The following PRKAR1B variants were observed in gnomAD, a reference collection of about 807,000 sequenced individuals.
The protein encoded by PRKAR1B is protein kinase cAMP-dependent type I regulatory subunit beta.
A neutral mutation model predicts 46.5 loss-of-function variants in PRKAR1B; 22 were observed. The ratio of observed to expected loss-of-function variants is 0.47; its 90% CI spans 0.34 to 0.68. PRKAR1B has a LOEUF of 0.68. PRKAR1B is among the 30% of genes least tolerant of loss of function. The probability of loss-of-function intolerance (pLI) is 0.01; values close to 1 mark genes in which losing one functional copy is unlikely to be tolerated. For synonymous variants in PRKAR1B, 259 were observed against 217.7 expected (o/e 1.19, Z -1.67); for missense variants, 445 against 535.6 (o/e 0.83, Z 1.67).
intron 2 of PRKAR1B, among the ~76,000 whole-genome samples, chr7:689,742 C>T (rs1382767965): frequency 6.6e-6 from 1 of 151,660 alleles, no homozygotes; most frequent in Non-Finnish European, 1.5e-5. Flanking sequence ...TGCAGTGGTG[C>T]AATCTCAGCT....
rs1012736521 is a variant in PRKAR1B at position 596,408 on chromosome 7, C to T, written c.550-104G>A. ...TTAGCTCTCTCCAGAAGAGGGTCCC[C>T]GCAGGGCGGGGCACAAGCCCTTTCG... is the stretch of plus-strand genomic sequence containing the variant. On this transcript the variant is annotated intron_variant, in intron 6 of 10. Transcript: ENST00000537384. The T allele has an allele frequency of 5.3e-5, 74 of 1,393,786 alleles. No individual in the cohort carries two copies. In the East Asian group the frequency reaches 9.2e-4, roughly 17 times the overall value. 86.3% of individuals were successfully genotyped at this position (1,393,786 alleles called of 1,614,324 possible). A position where few individuals can be genotyped will look rare whatever the true frequency, so the allele number is the denominator to read the frequency against.
chr7:576,529 C>T (rs1779845593), intron 9 of PRKAR1B, among the ~76,000 whole-genome samples: 1 of 152,174 alleles, frequency 6.6e-6, no homozygotes. Context: ...TTCATTAATT[C>T]ATTCACACAA....
chr7:701,381 C>G (rs1780062747), intron 2 of PRKAR1B, among the ~76,000 whole-genome samples: 1 of 151,968 alleles, frequency 6.6e-6, no homozygotes, highest in Non-Finnish European at 1.5e-5. Flanking sequence ...GCCTCAGGGA[C>G]TTGCGGGAAA....
At chr7:691,165 A>T (rs376343286) in intron 2 of PRKAR1B, among the ~76,000 whole-genome samples, 391 of 145,424 alleles carry the variant, frequency 2.7e-3, no homozygotes, top group East Asian at 0.012. Flanking sequence ...GCGCCCACCC[A>T]AACTGTCCAC....
chr7:652,565 A>G (rs546481874), intron 4 of PRKAR1B, among the ~76,000 whole-genome samples: 14 of 152,362 alleles, frequency 9.2e-5, no homozygotes, highest in African/African-American at 2.4e-4. Flanking sequence ...AGTGCTAGGA[A>G]CCTGGGGAAA....
At chr7:702,620 G>A (rs955176114) in intron 2 of PRKAR1B, among the ~76,000 whole-genome samples, 4 of 152,026 alleles carry the variant, frequency 2.6e-5, no homozygotes, top group South Asian at 2.1e-4. Context: ...TCAGGAGATC[G>A]AGACCATCCT....
intron 9 of PRKAR1B, among the ~76,000 whole-genome samples, chr7:571,273 C>T (rs1160017890): frequency 1.3e-5 from 2 of 152,204 alleles, no homozygotes; most frequent in Admixed American, 6.5e-5. Context: ...AGGAGCCTCG[C>T]GGTACAGGCT....
chr7:634,689 G>C (rs949457214), intron 4 of PRKAR1B, among the ~76,000 whole-genome samples: 3 of 151,020 alleles, frequency 2.0e-5, no homozygotes, highest in Non-Finnish European at 2.9e-5. Flanking sequence ...ACCCAGGCTA[G>C]AGTGCAATGG....
chr7:615,825 C>CAAAAA (rs71016887), intron 4 of PRKAR1B, among the ~76,000 whole-genome samples: 9 of 94,178 alleles, frequency 9.6e-5, no homozygotes, highest in Admixed American at 2.4e-4. Context: ...AAGACTCCAT[C>CAAAAA]AAAAAAAAAA....
At chr7:557,480 C>T (rs919355123) in intron 9 of PRKAR1B, among the ~76,000 whole-genome samples, 37 of 152,250 alleles carry the variant, frequency 2.4e-4, no homozygotes, top group Admixed American at 2.6e-4. Context: ...TGACAGTCCC[C>T]GTCCTGTGCC....
At chr7:581,920 T>C (rs1437348702) in intron 8 of PRKAR1B, among the ~76,000 whole-genome samples, 3 of 152,120 alleles carry the variant, frequency 2.0e-5, no homozygotes, top group Non-Finnish European at 4.4e-5. Flanking sequence ...GAACTCGCTA[T>C]GTTATCGAGG....
chr7:718,169 C>G lies in PRKAR1B; in HGVS notation c.-22-6642G>C, dbSNP rs182651116. Among the ~76,000 whole-genome samples, 519 of 151,702 alleles carry G rather than the reference C, an allele frequency of 3.4e-3. 6 individuals are homozygous for G. The highest frequency in any genetic ancestry group is 0.012 in the African/African-American group (504 of 41,322). ...AATGCAGCCCCAGCATGGATTGCAG[C>G]CTTCAGAGGACCCAGTAAAGCCATG... is the stretch of plus-strand genomic sequence containing the variant. On this transcript the variant is annotated intron_variant, in intron 1 of 10. Transcript: ENST00000537384.
At chr7:606,479 T>C (rs1278558731) in intron 5 of PRKAR1B, among the ~76,000 whole-genome samples, 1 of 152,212 alleles carries the variant, frequency 6.6e-6, no homozygotes, top group Non-Finnish European at 1.5e-5. Context: ...TCTTTTTGTT[T>C]GTTTTTTGTT....
intron 4 of PRKAR1B, among the ~76,000 whole-genome samples, chr7:612,774 T>C (rs1185153693): frequency 6.6e-6 from 1 of 152,150 alleles, no homozygotes; most frequent in African/African-American, 2.4e-5. Flanking sequence ...GGGATGACTA[T>C]GAAAAGATGT....
chr7:607,318 G>A, intron 5 of PRKAR1B, 73 bp downstream of exon 5: 3 of 1,444,932 alleles, frequency 2.1e-6, no homozygotes, highest in Non-Finnish European at 2.9e-6. Flanking sequence ...CTGCCCTTAT[G>A]CTATTTTTTT....
At chr7:680,940 T>C (rs941474118) in intron 2 of PRKAR1B, among the ~76,000 whole-genome samples, 3 of 152,072 alleles carry the variant, frequency 2.0e-5, no homozygotes, top group African/African-American at 7.2e-5. Context: ...TCAAATCTCA[T>C]TTTGTGTCCC....
intron 8 of PRKAR1B, 57 bp downstream of exon 8, chr7:584,451 G>T: frequency 6.7e-7 from 1 of 1,490,356 alleles, no homozygotes; most frequent in Non-Finnish European, 9.3e-7. Flanking sequence ...AGGCCGGGGT[G>T]GCCAGCAGGC....
chr7:583,169 T>A (rs1430367224), intron 8 of PRKAR1B, among the ~76,000 whole-genome samples: 1 of 151,928 alleles, frequency 6.6e-6, no homozygotes, highest in Non-Finnish European at 1.5e-5. Context: ...TCAACGGCCC[T>A]GAAATGCGCT....
chr7:651,726 T>C (rs1255659688), intron 4 of PRKAR1B, among the ~76,000 whole-genome samples: 1 of 136,770 alleles, frequency 7.3e-6, no homozygotes, highest in Non-Finnish European at 1.6e-5. Flanking sequence ...CGGAAGACAG[T>C]TCACACCCAC....
Sources: gnomAD v4.1 joint callset for allele counts (sites outside exome capture counted in the v4.1 genomes callset) on GRCh38, gnomAD v4.1.1 for gene constraint, MANE v1.5 for transcripts, NCBI Gene and HGNC (gene_info 2026-07-23, HGNC 2026-07-21) for gene names.